The following TMTC3 variants were observed in gnomAD, a reference collection of about 807,000 sequenced individuals.
TMTC3 encodes protein O-mannosyl-transferase TMTC3.
In TMTC3, 52 loss-of-function variants were observed where a neutral mutation model predicts 92.2. The observed-to-expected ratio is 0.56, with a 90% CI of 0.45 to 0.71. TMTC3 has a LOEUF of 0.71. Among genes scored for constraint, TMTC3 ranks in the 30% least tolerant of loss-of-function variants. The probability of loss-of-function intolerance (pLI) is 0.00; values close to 1 mark genes in which losing one functional copy is unlikely to be tolerated. For synonymous variants in TMTC3, 339 were observed against 363.3 expected (o/e 0.93, Z 0.76); for missense variants, 896 against 1,057.1 (o/e 0.85, Z 2.11).
chr12:88,191,576 A>G (rs1306950374), intron 12 of TMTC3, among the ~76,000 whole-genome samples: 2 of 152,228 alleles, frequency 1.3e-5, no homozygotes, highest in Non-Finnish European at 2.9e-5. Flanking sequence ...CTAACAGAAA[A>G]TAGAACCACA....
intron 10 of TMTC3, among the ~76,000 whole-genome samples, chr12:88,185,719 T>TTTTTTTTTTTTTTTTTTTTTTTTG (rs2041369850): frequency 6.6e-6 from 1 of 152,092 alleles, no homozygotes; most frequent in Non-Finnish European, 1.5e-5. Flanking sequence ...CTGCCTTTCT[T>TTTTTTTTTTTTTTTTTTTTTTTTG]AATTCTTCAT....
intron 13 of TMTC3, among the ~76,000 whole-genome samples, chr12:88,193,117 T>C (rs2041462548): frequency 6.6e-6 from 1 of 152,152 alleles, no homozygotes; most frequent in Non-Finnish European, 1.5e-5. Context: ...TGTCATTTTA[T>C]ATACATAAAC....
Position 88,148,324 on chromosome 12 carries a change from T to C in TMTC3, c.9T>C (p.Asn3=). ...AAGTGCTTATAGAAAAGATGGCTAA[T>C]ATTAACCTAAAAGAAATAACCTTAA... is the stretch of plus-strand genomic sequence containing the variant. MA[N]INLKEITLIV... is the part of the protein sequence containing the mutation. The change falls in exon 2 of 14, where the codon AAT becomes AAC. Residue 3 remains asparagine, a synonymous_variant. Transcript: ENST00000266712. 1 of 1,607,718 alleles carries C rather than the reference T, an allele frequency of 6.2e-7. No homozygotes were observed. Among genetic ancestry groups the C allele is most frequent in the Non-Finnish European group, 8.5e-7 (1 of 1,177,832 alleles).
rs1396835870 is a variant in TMTC3 at position 88,195,012 on chromosome 12, G to A, written c.2108G>A (p.Ser703Asn). 8 of 1,613,718 alleles carry A rather than the reference G, an allele frequency of 5.0e-6. No individual in the cohort carries two copies. The highest frequency in any genetic ancestry group is 1.3e-5 in the African/African-American group (1 of 74,894). Residue 703 changes from serine (S) to asparagine (N), a missense_variant, in exon 14 of 14, where the codon AGT becomes AAT. By Grantham distance (46) the Ser-to-Asn change is conservative. Coordinates refer to ENST00000266712, the MANE Select transcript of TMTC3 (RefSeq NM_181783.4). Reference sequence around the variant, plus strand: ...ATAAAGTTACAAGCCGACTTCCGAAGTGCTTTGTTTAATCTGGCTCTCCTG... The same window carrying A: ...ATAAAGTTACAAGCCGACTTCCGAAATGCTTTGTTTAATCTGGCTCTCCTG... Reference protein sequence around the residue: ...KAIKLQADFRSALFNLALLYS... With the variant: ...KAIKLQADFRNALFNLALLYS...
chr12:88,162,787 G>A (rs542255650), intron 6 of TMTC3, among the ~76,000 whole-genome samples: 3 of 151,946 alleles, frequency 2.0e-5, no homozygotes, highest in South Asian at 4.2e-4. Flanking sequence ...TTTGCATGTC[G>A]GGAAATTGTT....
chr12:88,142,827 G>A (rs2040767478), intron 1 of TMTC3, among the ~76,000 whole-genome samples: 1 of 152,158 alleles, frequency 6.6e-6, no homozygotes, highest in Non-Finnish European at 1.5e-5. Context: ...TTCCTTTCGC[G>A]GATCGTGGGG....
At chr12:88,181,210 G>A (rs977003879) in intron 10 of TMTC3, among the ~76,000 whole-genome samples, 5 of 152,106 alleles carry the variant, frequency 3.3e-5, no homozygotes, top group African/African-American at 1.2e-4. Flanking sequence ...CATATTGGGA[G>A]GACTCTTCAG....
At chr12:88,183,225 G>A (rs1464576206) in intron 10 of TMTC3, among the ~76,000 whole-genome samples, 7 of 152,150 alleles carry the variant, frequency 4.6e-5, no homozygotes. Flanking sequence ...CATGTCAGGG[G>A]GAGGAGAGGA....
At chr12:88,175,901 G>C (rs1282000868) in intron 9 of TMTC3, among the ~76,000 whole-genome samples, 1 of 152,130 alleles carries the variant, frequency 6.6e-6, no homozygotes. Flanking sequence ...CAGTGCTTTT[G>C]CTCCTAAAAA....
chr12:88,167,361 G>A (rs988605473), intron 7 of TMTC3, among the ~76,000 whole-genome samples: 3 of 152,046 alleles, frequency 2.0e-5, no homozygotes, highest in Admixed American at 6.6e-5. Flanking sequence ...CTGAGATTGC[G>A]CCACTGCACT....
chr12:88,163,743 A>G (rs2041108021), intron 6 of TMTC3, among the ~76,000 whole-genome samples: 1 of 152,078 alleles, frequency 6.6e-6, no homozygotes, highest in Non-Finnish European at 1.5e-5. Context: ...TTTAGGGCCC[A>G]CCCTAACCCA....
At chr12:88,155,450 C>A (rs149879164) in intron 4 of TMTC3, among the ~76,000 whole-genome samples, 2 of 152,254 alleles carry the variant, frequency 1.3e-5, no homozygotes, top group East Asian at 3.9e-4. Context: ...CTGTGGCCTA[C>A]AGGATTATAA....
chr12:88,144,737 G>T (rs2040851758), intron 1 of TMTC3, among the ~76,000 whole-genome samples: 1 of 152,202 alleles, frequency 6.6e-6, no homozygotes, highest in African/African-American at 2.4e-5. Flanking sequence ...TGGGGATACA[G>T]CAGTGAACAA....
chr12:88,173,089 A>G, intron 8 of TMTC3: 2 of 1,284,816 alleles, frequency 1.6e-6, no homozygotes, highest in Non-Finnish European at 2.0e-6. Context: ...ATCCTACTTA[A>G]GTGAGTCATA....
intron 11 of TMTC3, among the ~76,000 whole-genome samples, 181 bp from the exon 12 acceptor site, chr12:88,190,272 G>T (rs966902942): frequency 1.1e-4 from 17 of 152,054 alleles, no homozygotes; most frequent in African/African-American, 4.1e-4. Flanking sequence ...AAACAAATCA[G>T]AACTTTTAGA....
intron 12 of TMTC3, among the ~76,000 whole-genome samples, chr12:88,191,370 T>TA (rs1015194570): frequency 6.6e-6 from 1 of 152,104 alleles, no homozygotes; most frequent in African/African-American, 2.4e-5. Flanking sequence ...ATCTCTACAT[T>TA]AAAAAAATAA....
At chr12:88,182,081 G>C (rs939463294) in intron 10 of TMTC3, among the ~76,000 whole-genome samples, 1 of 152,164 alleles carries the variant, frequency 6.6e-6, no homozygotes, top group Non-Finnish European at 1.5e-5. Context: ...ATGACATCAG[G>C]GTCATAACCT....
intron 1 of TMTC3, among the ~76,000 whole-genome samples, chr12:88,146,361 T>G (rs139145749): frequency 3.2e-4 from 48 of 152,292 alleles, no homozygotes; most frequent in Non-Finnish European, 5.3e-4. Context: ...TAGAGCCTTA[T>G]AAAGAGCTTG....
chr12:88,194,051 G>C (rs2041475192), intron 13 of TMTC3, among the ~76,000 whole-genome samples: 1 of 152,010 alleles, frequency 6.6e-6, no homozygotes, highest in Non-Finnish European at 1.5e-5. Context: ...GTAAAACTCT[G>C]TCTCCACAAA....
Sources: gnomAD v4.1 joint callset for allele counts (sites outside exome capture counted in the v4.1 genomes callset) on GRCh38, gnomAD v4.1.1 for gene constraint, MANE v1.5 for transcripts, NCBI Gene and HGNC (gene_info 2026-07-23, HGNC 2026-07-21) for gene names.